PARG: variants seen among roughly 807,000 people sequenced by gnomAD.
The protein encoded by PARG is mitochondrial poly(ADP-ribose) glycohydrolase.
In PARG, 35 loss-of-function variants were observed where a neutral mutation model predicts 113.0. The observed-to-expected ratio is 0.31, with a 90% CI of 0.24 to 0.41. The LOEUF (loss-of-function observed/expected upper bound fraction) is 0.41, where lower values mean the gene tolerates loss of function less well. PARG is among the 10% of genes least tolerant of loss of function. PARG has a pLI of 1.00. For missense variants in PARG, 797 were observed against 1,169.4 expected (o/e 0.68, Z 4.64); for synonymous variants, 330 against 409.9 (o/e 0.81, Z 2.36).
intron 8 of PARG, among the ~76,000 whole-genome samples, chr10:49,883,820 A>AC (rs1251733158): frequency 1.4e-5 from 2 of 141,828 alleles, no homozygotes; most frequent in Admixed American, 7.1e-5. Context: ...AAAAAAAAAA[A>AC]AAAACAGGTG....
At chr10:49,852,393 G>A (rs1183021220) in intron 13 of PARG, among the ~76,000 whole-genome samples, 5 of 151,154 alleles carry the variant, frequency 3.3e-5, no homozygotes, top group South Asian at 2.1e-4. Context: ...TAGAGATTAC[G>A]TAAAAGGAGA....
At chr10:49,919,916 GAAAAGTAATAA>G in intron 6 of PARG, among the ~76,000 whole-genome samples, 1 of 152,080 alleles carries the variant, frequency 6.6e-6, no homozygotes, top group Admixed American at 6.5e-5. Context: ...TGATTAGTAG[GAAAAGTAATAA>G]TTGCAAAATA....
At chr10:49,915,859 C>G in intron 7 of PARG, 58 bp downstream of exon 7, 2 of 906,568 alleles carry the variant, frequency 2.2e-6, no homozygotes, top group Non-Finnish European at 3.6e-6. Flanking sequence ...GTATTCTTCT[C>G]AAACCTTCTT....
chr10:49,852,964 A>G (rs1222206533), intron 13 of PARG, among the ~76,000 whole-genome samples: 1 of 151,846 alleles, frequency 6.6e-6, no homozygotes, highest in Non-Finnish European at 1.5e-5. Context: ...ATGTAAATTC[A>G]TCTTAAAAAC....
chr10:49,906,308 A>G (rs2132781059), intron 7 of PARG, among the ~76,000 whole-genome samples: 1 of 152,094 alleles, frequency 6.6e-6, no homozygotes, highest in Middle Eastern at 3.4e-3. Context: ...TGCCAGATCT[A>G]AGGCTATGGG....
chr10:49,827,764 G>C (rs1554829622), intron 16 of PARG, among the ~76,000 whole-genome samples: 1 of 148,878 alleles, frequency 6.7e-6, no homozygotes, highest in African/African-American at 2.5e-5. Flanking sequence ...AAAAGGTATG[G>C]AATCTTACAG....
At chr10:49,821,578 C>T (rs1466697473) in intron 16 of PARG, among the ~76,000 whole-genome samples, 1 of 152,144 alleles carries the variant, frequency 6.6e-6, no homozygotes, top group African/African-American at 2.4e-5. Flanking sequence ...CACGGTTTCA[C>T]CATGTTGGCC....
At chr10:49,926,895 C>A (rs1307940495) in intron 4 of PARG, among the ~76,000 whole-genome samples, 3 of 152,220 alleles carry the variant, frequency 2.0e-5, no homozygotes, top group Admixed American at 2.0e-4. Context: ...ATTCTACTTG[C>A]TTGGTGCCCT....
chr10:49,832,993 T>C, intron 15 of PARG, 85 bp from the exon 16 acceptor site: 1 of 596,862 alleles, frequency 1.7e-6, no homozygotes. Context: ...CAGTGTCCAT[T>C]ATCAAGCTTA....
In PARG at chr10:49,832,137, C is replaced by G. The variant is rs1055259937; in HGVS notation, c.2647+666G>C. ...GAAAAAATGTCAATGTAGTAAATGGCCAATAGCTTTGTTGATCGGATTTTG... is the reference window on the plus strand; with the variant it reads ...GAAAAAATGTCAATGTAGTAAATGGGCAATAGCTTTGTTGATCGGATTTTG... On this transcript the variant is annotated intron_variant, in intron 16 of 17. Transcript: ENST00000616448. 3.8e-4 allele frequency among the ~76,000 whole-genome samples: 58 copies of G among 152,282 alleles called. 1 individual carries two copies. The highest frequency in any genetic ancestry group is 2.1e-3 in the Admixed American group (32 of 15,300).
At chr10:49,850,180 A>G (rs575412866) in intron 13 of PARG, among the ~76,000 whole-genome samples, 29 of 139,838 alleles carry the variant, frequency 2.1e-4, no homozygotes, top group Non-Finnish European at 4.0e-4. Context: ...CGAAGGCACT[A>G]CATAACTGAC....
At chr10:49,929,034 C>T (rs1554851375) in intron 4 of PARG, among the ~76,000 whole-genome samples, 1 of 152,136 alleles carries the variant, frequency 6.6e-6, no homozygotes, top group African/African-American at 2.4e-5. Context: ...TTACAATAGT[C>T]TTGCATTGCT....
chr10:49,882,273 G>A (rs1173587600), intron 8 of PARG, among the ~76,000 whole-genome samples: 10 of 150,514 alleles, frequency 6.6e-5, no homozygotes, highest in Non-Finnish European at 1.2e-4. Context: ...ATTTCAAAAA[G>A]TTCCTGACCA....
In PARG at chr10:49,933,623, T is replaced by G; in HGVS notation, c.825A>C (p.Pro275=). Residue 275 remains proline, a synonymous_variant, in exon 3 of 18, where the codon CCA becomes CCC. Coordinates refer to ENST00000616448, the MANE Select transcript of PARG (RefSeq NM_003631.5). ...GTCTAGTCAATTTGTTGTCATTTTT[T>G]GGCCCAGTACCAACATCCTCAGAGC... The part of the protein sequence containing the change: ...DVGSEDVGTG[P]KNDNKLTRQE... 2 of 1,610,100 alleles carry G rather than the reference T, an allele frequency of 1.2e-6. No individual in the cohort carries two copies. The highest frequency in any genetic ancestry group is 1.7e-6 in the Non-Finnish European group (2 of 1,176,414).
At chr10:49,895,776 T>A (rs1848054833) in intron 7 of PARG, among the ~76,000 whole-genome samples, 2 of 152,172 alleles carry the variant, frequency 1.3e-5, no homozygotes, top group African/African-American at 4.8e-5. Context: ...TATTCAGGTT[T>A]TCTTCAATTT....
At chr10:49,827,288 T>C (rs1041100340) in intron 16 of PARG, among the ~76,000 whole-genome samples, 2 of 152,240 alleles carry the variant, frequency 1.3e-5, no homozygotes, top group African/African-American at 4.8e-5. Context: ...TCATTGAGCA[T>C]ATTTTATTTG....
Position 49,932,416 on chromosome 10 carries a change from T to C in PARG, c.1272-133A>G, listed in dbSNP as rs1554910122. The C allele has an allele frequency of 5.5e-4, 353 of 641,060 alleles. 4 individuals are homozygous for C. The South Asian group carries it at 6.6e-3, about 12-fold the overall frequency. The allele number at this position is 641,060 out of a possible 1,614,324, so 39.7% of individuals were successfully genotyped here. On this transcript the variant is annotated intron_variant, in intron 3 of 17. Transcript: ENST00000616448. ...CTTGGTCACTCACTTCGTTATGTATTATATTTACAATCAAAAGAAAAACCT... is the reference window on the plus strand; with the variant it reads ...CTTGGTCACTCACTTCGTTATGTATCATATTTACAATCAAAAGAAAAACCT...
At chr10:49,853,444 G>A (rs1296175025) in intron 13 of PARG, among the ~76,000 whole-genome samples, 10 of 152,034 alleles carry the variant, frequency 6.6e-5, no homozygotes, top group African/African-American at 2.4e-4. Context: ...TAGCCAAAGT[G>A]CTGGTTGCTC....
At chr10:49,828,621 A>C (rs1224513297) in intron 16 of PARG, among the ~76,000 whole-genome samples, 1 of 152,222 alleles carries the variant, frequency 6.6e-6, no homozygotes, top group Non-Finnish European at 1.5e-5. Context: ...TGCCTGAGGA[A>C]GAATGTTGTT....
Sources: allele counts gnomAD v4.1 joint callset (sites outside exome capture counted in the v4.1 genomes callset), GRCh38; gene constraint gnomAD v4.1.1; transcripts MANE v1.5; gene names NCBI Gene and HGNC (gene_info 2026-07-23, HGNC 2026-07-21).